FGD6: variants seen among roughly 807,000 people sequenced by gnomAD.
The protein encoded by FGD6 is FYVE, RhoGEF and PH domain-containing protein 6.
In FGD6, 90 loss-of-function variants were observed where a neutral mutation model predicts 149.4. The ratio of observed to expected loss-of-function variants is 0.60; its 90% confidence interval spans 0.51 to 0.72. The LOEUF (loss-of-function observed/expected upper bound fraction) is 0.72, where lower values mean the gene tolerates loss of function less well. Ranked by LOEUF, FGD6 falls within the 30% of genes least tolerant of loss-of-function variation. FGD6 has a pLI of 0.00. For missense variants in FGD6, 1,437 were observed against 1,684.8 expected (o/e 0.85, Z 2.57); for synonymous variants, 527 against 584.0 (o/e 0.90, Z 1.41).
chr12:95,137,435 G>T, intron 7 of FGD6, 87 bp downstream of exon 7: 1 of 1,201,750 alleles, frequency 8.3e-7, no homozygotes, highest in Non-Finnish European at 1.1e-6. Flanking sequence ...TTGTTTGCAA[G>T]CTTTGTTTTC....
chr12:95,162,827 A>G (rs1880686712), intron 3 of FGD6, among the ~76,000 whole-genome samples: 1 of 152,138 alleles, frequency 6.6e-6, no homozygotes, highest in Non-Finnish European at 1.5e-5. Context: ...TTGTCCCCAT[A>G]GTCACCTTTT....
chr12:95,102,026 G>A (rs1243525819), intron 14 of FGD6, among the ~76,000 whole-genome samples: 3 of 149,886 alleles, frequency 2.0e-5, no homozygotes, highest in East Asian at 2.0e-4. Context: ...CCTCAAAAAC[G>A]AAAAAAGGGC....
chr12:95,180,074 G>A (rs1167161121), intron 2 of FGD6, among the ~76,000 whole-genome samples: 1 of 92,690 alleles, frequency 1.1e-5, no homozygotes, highest in African/African-American at 4.2e-5. Flanking sequence ...GCGAAACTCT[G>A]CCTCCAAAAA....
At chr12:95,175,349 A>G (rs1881105416) in intron 2 of FGD6, among the ~76,000 whole-genome samples, 1 of 152,218 alleles carries the variant, frequency 6.6e-6, no homozygotes, top group African/African-American at 2.4e-5. Context: ...CAAATAAATG[A>G]AAATGATATC....
chr12:95,113,798 A>C (rs1342159662), intron 8 of FGD6, 97 bp from the exon 9 acceptor site: 1 of 736,338 alleles, frequency 1.4e-6, no homozygotes, highest in Non-Finnish European at 2.2e-6. Flanking sequence ...TTGCTGGTTA[A>C]TATACATGCT....
At chr12:95,100,055 T>TCCC (rs33962935) in intron 14 of FGD6, among the ~76,000 whole-genome samples, 30 of 129,284 alleles carry the variant, frequency 2.3e-4, no homozygotes, top group Non-Finnish European at 4.0e-4. Flanking sequence ...ACTTTTCTGA[T>TCCC]CCCCCCCCCC....
In FGD6 at chr12:95,114,493, C is replaced by CACACACACACACACACACGT. The variant is rs1555217714; in HGVS notation, c.3083-793_3083-792insACGTGTGTGTGTGTGTGTGT. Among the ~76,000 whole-genome samples the CACACACACACACACACACGT allele has an allele frequency of 2.8e-5, 4 of 142,924 alleles. 1 individual carries two copies. Among genetic ancestry groups the CACACACACACACACACACGT allele is most frequent in the African/African-American group, 1.0e-4 (4 of 38,118 alleles). The allele number at this position is 142,924 out of a possible 152,430, so 93.8% of individuals were successfully genotyped here. A position where few individuals can be genotyped will look rare whatever the true frequency, so the allele number is the denominator to read the frequency against. On this transcript the variant is annotated intron_variant, in intron 8 of 20. Transcript: ENST00000343958. ...ACACACACACACACACACACACACACGTCAGACGTGCTGCTAAATATCTTA... is the reference window on the plus strand; with the variant it reads ...ACACACACACACACACACACACACACACACACACACACACACACGTGTCAGACGTGCTGCTAAATATCTTA...
chr12:95,107,103 A>G, intron 12 of FGD6, 66 bp from the exon 13 acceptor site: 1 of 1,157,740 alleles, frequency 8.6e-7, no homozygotes, highest in Non-Finnish European at 1.3e-6. Flanking sequence ...GATTTTGACA[A>G]GATACAAGAT....
chr12:95,100,719 A>C (rs1592830934), intron 14 of FGD6: 2 of 532,258 alleles, frequency 3.8e-6, no homozygotes, highest in East Asian at 1.0e-4. Flanking sequence ...CCCTTGCAAC[A>C]GACAGTGCTG....
At chr12:95,094,192 A>G (rs1162190289) in intron 15 of FGD6, among the ~76,000 whole-genome samples, 1 of 151,948 alleles carries the variant, frequency 6.6e-6, no homozygotes, top group African/African-American at 2.4e-5. Context: ...GAAAAGAAAT[A>G]TGGGCTATTA....
At chr12:95,125,923 T>TG in intron 8 of FGD6, 6 of 1,443,950 alleles carry the variant, frequency 4.2e-6, no homozygotes, top group Non-Finnish European at 5.8e-6. Flanking sequence ...TTCAAGTACA[T>TG]GCAGCTCACT....
intron 5 of FGD6, among the ~76,000 whole-genome samples, chr12:95,142,091 C>T (rs1186367005): frequency 6.6e-6 from 1 of 151,542 alleles, no homozygotes; most frequent in African/African-American, 2.4e-5. Context: ...TGGCAACTTC[C>T]CGAGTAGCTG....
chr12:95,083,012 A>AATATATAT (rs1555215600), intron 20 of FGD6, among the ~76,000 whole-genome samples: 42 of 20,032 alleles, frequency 2.1e-3, no homozygotes, highest in Admixed American at 3.8e-3. Flanking sequence ...AAAAAAAAAA[A>AATATATAT]ATATATATAT....
chr12:95,141,587 A>G lies in FGD6; in HGVS notation c.2686-48T>C, dbSNP rs777685519. The G allele has an allele frequency of 2.5e-6, 4 of 1,602,638 alleles. No homozygotes were observed. In the Admixed American group the frequency reaches 5.0e-5, roughly 20 times the overall value. ...AAACAATACACACACATGTAACTTG[A>G]TAACAAGCTTTTATCCTCAGTCCCC... On this transcript the variant is annotated intron_variant, in intron 5 of 20. Coordinates refer to ENST00000343958, the MANE Select transcript of FGD6 (RefSeq NM_018351.4).
At chr12:95,208,192 C>A (rs1238453461) in intron 2 of FGD6, among the ~76,000 whole-genome samples, 1 of 151,918 alleles carries the variant, frequency 6.6e-6, no homozygotes, top group African/African-American at 2.4e-5. Flanking sequence ...GTCGAGGCTG[C>A]AGTAAGCCAT....
Position 95,210,624 on chromosome 12 carries a change from A to G in FGD6, c.660T>C (p.Ile220=). 2.5e-6 allele frequency: 4 copies of G among 1,614,178 alleles called. No individual in the cohort carries two copies. Among genetic ancestry groups the G allele is most frequent in the Non-Finnish European group, 3.4e-6 (4 of 1,180,038 alleles). The change falls in exon 2 of 21, where the codon ATT becomes ATC. Residue 220 remains isoleucine (I), a synonymous_variant. Coordinates refer to ENST00000343958, the MANE Select transcript of FGD6 (RefSeq NM_018351.4). ...GGCNSNGQFR[I]EFADLSPSPS... ...GGGAAGGTGACAAATCCGCAAATTC[A>G]ATTCTGAATTGTCCATTTGAATTAC...
chr12:95,083,132 A>G (rs1877754812), intron 20 of FGD6, among the ~76,000 whole-genome samples: 1 of 149,644 alleles, frequency 6.7e-6, no homozygotes, highest in Admixed American at 6.7e-5. Flanking sequence ...AGCAACCTAT[A>G]ACAGATTCAG....
intron 10 of FGD6, 22 bp downstream of exon 10, chr12:95,108,480 GC>G: frequency 6.2e-7 from 1 of 1,614,030 alleles, no homozygotes; most frequent in African/African-American, 1.3e-5. Flanking sequence ...GACCACACCA[GC>G]CACTGACAAC....
At position 95,107,634 on chromosome 12, in the gene FGD6, G is replaced by A. The variant is rs765920587; in HGVS notation, c.3265-3C>T. ...AGAATTCCTTCTTTGAGAAAAACCTGATTCACCCAAACAAACACCCATTTA... is the reference window on the plus strand; with the variant it reads ...AGAATTCCTTCTTTGAGAAAAACCTAATTCACCCAAACAAACACCCATTTA... On this transcript the variant is annotated splice_polypyrimidine_tract_variant and splice_region_variant and intron_variant, in intron 11 of 20. Coordinates refer to ENST00000343958, the MANE Select transcript of FGD6 (RefSeq NM_018351.4). 1 of 1,613,728 alleles carries A rather than the reference G, an allele frequency of 6.2e-7. No homozygotes were observed. Among genetic ancestry groups the A allele is most frequent in the African/African-American group, 1.3e-5 (1 of 74,892 alleles).
Sources: gnomAD v4.1 joint callset for allele counts (sites outside exome capture counted in the v4.1 genomes callset) on GRCh38, gnomAD v4.1.1 for gene constraint, MANE v1.5 for transcripts, NCBI Gene and HGNC (gene_info 2026-07-23, HGNC 2026-07-21) for gene names.